The following PKP1 variants were observed in gnomAD, a reference collection of about 807,000 sequenced individuals.
PKP1 encodes the protein plakophilin 1, also known as plakophilin-1.
Under a neutral mutation model 76.4 loss-of-function variants are expected in PKP1, and 27 were observed. The observed-to-expected ratio is 0.35, with a 90% CI of 0.26 to 0.49. PKP1 has a LOEUF of 0.49. Among genes scored for constraint, PKP1 ranks in the 20% least tolerant of loss-of-function variants. PKP1 has a pLI of 0.99. For missense variants in PKP1, 964 were observed against 955.2 expected (o/e 1.01, Z -0.12); for synonymous variants, 404 against 384.2 (o/e 1.05, Z -0.60).
At chr1:201,301,190 A>C (rs1656217861) in intron 2 of PKP1, among the ~76,000 whole-genome samples, 1 of 152,102 alleles carries the variant, frequency 6.6e-6, no homozygotes, top group Non-Finnish European at 1.5e-5. Flanking sequence ...CTTGTAGAGG[A>C]ATGGAGAGGG....
At chr1:201,296,794 T>A (rs1374159606) in intron 2 of PKP1, among the ~76,000 whole-genome samples, 1 of 152,228 alleles carries the variant, frequency 6.6e-6, no homozygotes, top group Non-Finnish European at 1.5e-5. Context: ...GTCTTCAGCA[T>A]CATTTCAGGA....
At chr1:201,297,335 T>C (rs79381519) in intron 2 of PKP1, among the ~76,000 whole-genome samples, 1 of 152,106 alleles carries the variant, frequency 6.6e-6, no homozygotes, top group Non-Finnish European at 1.5e-5. Flanking sequence ...AGGACAATGT[T>C]GGAACCTCAG....
At chr1:201,321,319 C>T (rs919154404) in intron 7 of PKP1, among the ~76,000 whole-genome samples, 1 of 152,184 alleles carries the variant, frequency 6.6e-6, no homozygotes, top group Non-Finnish European at 1.5e-5. Context: ...CCAGCAAGGG[C>T]CAAACATCAT....
chr1:201,324,386 G>A, intron 9 of PKP1, 42 bp from the exon 10 acceptor site: 1 of 1,501,050 alleles, frequency 6.7e-7, no homozygotes, highest in Non-Finnish European at 8.9e-7. Context: ...ATGGTGCCTG[G>A]GAAGCCACAG....
chr1:201,287,394 T>A (rs1007985549), intron 1 of PKP1, among the ~76,000 whole-genome samples: 1 of 152,224 alleles, frequency 6.6e-6, no homozygotes, highest in Non-Finnish European at 1.5e-5. Context: ...TGTTTGACTA[T>A]GTCTCAGCAT....
In PKP1 at chr1:201,294,062, A is replaced by G; in HGVS notation, c.306+17A>G. The G allele has an allele frequency of 2.0e-6, 3 of 1,522,048 alleles. No homozygotes were observed. The highest frequency in any genetic ancestry group is 2.7e-6 in the Non-Finnish European group (3 of 1,096,800). 94.3% of individuals were successfully genotyped at this position (1,522,048 alleles called of 1,614,324 possible). A position where few individuals can be genotyped will look rare whatever the true frequency, so the allele number is the denominator to read the frequency against. ...GGATATCCGGTAAGGAACTGCTTCC[A>G]TCCTAAAAGACCTGGAGTACTTGTG... On this transcript the variant is annotated intron_variant, in intron 2 of 13. Coordinates refer to ENST00000367324, the MANE Select transcript of PKP1 (RefSeq NM_001005337.3).
chr1:201,314,277 A>T (rs1453881614), intron 3 of PKP1, among the ~76,000 whole-genome samples: 1 of 152,304 alleles, frequency 6.6e-6, no homozygotes, highest in South Asian at 2.1e-4. Context: ...CCTGAACAAC[A>T]TGATGAAACC....
At chr1:201,315,649 G>T (rs1396476376) in intron 3 of PKP1, among the ~76,000 whole-genome samples, 1 of 152,210 alleles carries the variant, frequency 6.6e-6, no homozygotes, top group Non-Finnish European at 1.5e-5. Context: ...AATGTTCATA[G>T]TGGAGCCGGG....
chr1:201,306,027 G>A (rs1445286234), intron 2 of PKP1, among the ~76,000 whole-genome samples: 1 of 152,218 alleles, frequency 6.6e-6, no homozygotes, highest in East Asian at 1.9e-4. Flanking sequence ...CACTCGGGCT[G>A]TGAGAGCTGC....
intron 7 of PKP1, among the ~76,000 whole-genome samples, chr1:201,320,839 G>A (rs1656917678): frequency 6.6e-6 from 1 of 152,132 alleles, no homozygotes; most frequent in Non-Finnish European, 1.5e-5. Context: ...ATCCATACTG[G>A]TGCCCCCAGG....
intron 2 of PKP1, among the ~76,000 whole-genome samples, chr1:201,312,810 G>A (rs1656599858): frequency 6.6e-6 from 1 of 152,096 alleles, no homozygotes; most frequent in Non-Finnish European, 1.5e-5. Context: ...AGCTCCTTTA[G>A]GTATGTCACG....
chr1:201,288,001 A>G (rs922116852), intron 1 of PKP1, among the ~76,000 whole-genome samples: 1 of 152,168 alleles, frequency 6.6e-6, no homozygotes, highest in Non-Finnish European at 1.5e-5. Flanking sequence ...TACACCCCAC[A>G]CATGAATCCA....
intron 6 of PKP1, 28 bp downstream of exon 6, chr1:201,318,823 T>C (rs1307288525): frequency 3.2e-6 from 5 of 1,559,672 alleles, no homozygotes; most frequent in Non-Finnish European, 4.3e-6. Flanking sequence ...ATGGGGTCTT[T>C]TTGTCCCAGC....
rs572802164 is a variant in PKP1, at chr1:201,316,985, C to T, written c.846+288C>T. On this transcript the variant is annotated intron_variant, in intron 4 of 13. Transcript: ENST00000367324. ...AACAGAAACCCCTTTTCTCAAATCC[C>T]ACTAAAGAACATGACTGCTCCTCAC... Among the ~76,000 whole-genome samples the T allele has an allele frequency of 3.3e-5, 5 of 152,298 alleles. No homozygotes were observed. The South Asian group carries it at 1.0e-3, about 32-fold the overall frequency.
rs1267739099 is a variant in PKP1 at position 201,313,357 on chromosome 1, C to T, written c.498C>T (p.Thr166=). 1.3e-6 allele frequency: 2 copies of T among 1,584,198 alleles called. No homozygotes were observed. Among genetic ancestry groups the T allele is most frequent in the African/African-American group, 1.3e-5 (1 of 74,464 alleles). ...ACCTCTACTGTGACCCACGGGGCAC[C>T]CTGCGCAAGGGCACGCTGGGCAGCA... ...EPDLYCDPRG[T]LRKGTLGSKG... is the part of the protein sequence containing the mutation. Residue 166 remains threonine (T), a synonymous_variant, in exon 3 of 14, where the codon ACC becomes ACT. Coordinates refer to ENST00000367324, the MANE Select transcript of PKP1 (RefSeq NM_001005337.3).
intron 5 of PKP1, among the ~76,000 whole-genome samples, chr1:201,318,107 G>A (rs1273816506): frequency 6.6e-6 from 1 of 152,180 alleles, no homozygotes; most frequent in East Asian, 1.9e-4. Context: ...GTAAGACTGA[G>A]GGGAGAAGGG....
intron 10 of PKP1, 97 bp from the exon 11 acceptor site, chr1:201,324,844 G>A (rs1657063979): frequency 8.6e-6 from 11 of 1,280,146 alleles, no homozygotes; most frequent in South Asian, 1.4e-5. Flanking sequence ...TCAGAGCCCG[G>A]CAGAAGGCTA....
chr1:201,286,771 C>G (rs1005189765), intron 1 of PKP1, among the ~76,000 whole-genome samples: 1 of 152,168 alleles, frequency 6.6e-6, no homozygotes, highest in Non-Finnish European at 1.5e-5. Context: ...GTCTGGCCTC[C>G]TTTTCTTCCC....
intron 2 of PKP1, among the ~76,000 whole-genome samples, chr1:201,310,382 G>A (rs924392159): frequency 6.6e-6 from 1 of 152,244 alleles, no homozygotes; most frequent in Non-Finnish European, 1.5e-5. Flanking sequence ...ATTGGGCAAC[G>A]ACAAGGCCAG....
Sources: allele counts gnomAD v4.1 joint callset (sites outside exome capture counted in the v4.1 genomes callset), GRCh38; gene constraint gnomAD v4.1.1; transcripts MANE v1.5; gene names NCBI Gene and HGNC (gene_info 2026-07-23, HGNC 2026-07-21).